Variants in KLRC2 observed in about 807,000 individuals in gnomAD.
KLRC2 encodes NKG2-C type II integral membrane protein.
Under a neutral mutation model 25.5 loss-of-function variants are expected in KLRC2, and 10 were observed. The observed-to-expected ratio is 0.39, with a 90% CI of 0.24 to 0.67. KLRC2 has a LOEUF of 0.67. KLRC2 is among the 30% of genes least tolerant of loss of function. The pLI, the probability that KLRC2 is intolerant of heterozygous loss-of-function variation, is 0.45. For synonymous variants in KLRC2, 48 were observed against 93.3 expected, an observed-to-expected ratio of 0.51 and a Z score of 2.80; for missense variants, 170 against 272.8, an observed-to-expected ratio of 0.62 and a Z score of 2.65.
rs755372530 is a variant in KLRC2, at chr12:10,431,055, A to G, written c.*62T>C. On this transcript the variant is annotated 3_prime_UTR_variant, in exon 6 of 6. Coordinates refer to ENST00000381902, the MANE Select transcript of KLRC2 (RefSeq NM_002260.4). ...TCATTTTCAGATTTATGCAATCATA[A>G]TATTTCTATTTTAAGAAATATAAAA... 11 of 1,244,414 alleles carry G rather than the reference A, an allele frequency of 8.8e-6. 2 individuals are homozygous for G. Among genetic ancestry groups the G allele is most frequent in the Non-Finnish European group, 1.0e-5 (9 of 898,148 alleles). The allele number at this position is 1,244,414 out of a possible 1,614,324, so 77.1% of individuals were successfully genotyped here.
chr12:10,435,951 A>G lies in KLRC2; in HGVS notation c.36T>C (p.Ser12=), dbSNP rs745463563. Residue 12 remains serine, a synonymous_variant, in exon 1 of 6, where the codon AGT becomes AGC. Coordinates refer to ENST00000381902, the MANE Select transcript of KLRC2 (RefSeq NM_002260.4). ...NKQRGTFSEV[S]LAQDPKRQQR... is the part of the protein sequence containing the mutation. ...GCTGCCGCTTTGGGTCCTGGGCCAG[A>G]CTCACTTCTGAGAAGGTTCCTCTTT... The G allele has an allele frequency of 6.2e-7, 1 of 1,606,416 alleles. No homozygotes were observed. The highest frequency in any genetic ancestry group is 8.5e-7 in the Non-Finnish European group (1 of 1,176,636).
intron 5 of KLRC2, among the ~76,000 whole-genome samples, chr12:10,431,736 G>A (rs1283335093): frequency 7.2e-6 from 1 of 138,692 alleles, no homozygotes; most frequent in Admixed American, 7.1e-5. Context: ...CTTTGAATGC[G>A]GCCCAACACA....
intron 3 of KLRC2, 145 bp from the exon 4 acceptor site, chr12:10,434,087 GAGTC>G: frequency 2.4e-6 from 3 of 1,258,214 alleles, no homozygotes; most frequent in Non-Finnish European, 3.2e-6. Flanking sequence ...TTTAATAACT[GAGTC>G]AGTCATACAC....
Position 10,434,306 on chromosome 12 carries a change from A to T in KLRC2, c.331+180T>A. On this transcript the variant is annotated intron_variant, in intron 3 of 5. Coordinates refer to ENST00000381902, the MANE Select transcript of KLRC2 (RefSeq NM_002260.4). ...GGAGAAAGAGGGTAGAATGATTTTAAGTGAGTATTTCTACTCACTGGAGAA... is the reference window on the plus strand; with the variant it reads ...GGAGAAAGAGGGTAGAATGATTTTATGTGAGTATTTCTACTCACTGGAGAA... The T allele has an allele frequency of 5.0e-6, 3 of 597,766 alleles. 1 individual carries two copies. The highest frequency in any genetic ancestry group is 9.4e-6 in the Non-Finnish European group (3 of 319,840). The allele number at this position is 597,766 out of a possible 1,614,324, so 37.0% of individuals were successfully genotyped here.
Position 10,433,880 on chromosome 12 carries a change from C to CAA in KLRC2, c.392_393dup (p.Gly132LeufsTer25), listed in dbSNP as rs1565507326. 1 of 1,550,530 alleles carries CAA rather than the reference C, an allele frequency of 6.4e-7. No homozygotes were observed. On this transcript the variant is annotated frameshift_variant, in exon 4 of 6. Coordinates refer to ENST00000381902, the MANE Select transcript of KLRC2 (RefSeq NM_002260.4). LOFTEE classifies it high-confidence loss of function. ...TCTTCCCAAGTTCTTCTTTCCTTAC[C>CAA]AATGTAATAACAACTGTTGGAATAT...
rs1382804000 is a variant in KLRC2, at chr12:10,435,669, T to C, written c.187+131A>G. 22 of 1,120,872 alleles carry C rather than the reference T, an allele frequency of 2.0e-5. 3 individuals carry two copies. Among genetic ancestry groups the C allele is most frequent in the Non-Finnish European group, 2.4e-5 (19 of 803,220 alleles). 69.4% of individuals were successfully genotyped at this position (1,120,872 alleles called of 1,614,324 possible). ...ATAAAATTAGTCTTCTGATTTCATA[T>C]TAGAATTTTAGATCCCAATTATGAA... On this transcript the variant is annotated intron_variant, in intron 1 of 5. Transcript: ENST00000381902.
intron 4 of KLRC2, among the ~76,000 whole-genome samples, chr12:10,433,504 A>G (rs1403955270): frequency 1.4e-5 from 2 of 142,124 alleles, no homozygotes; most frequent in Non-Finnish European, 3.1e-5. Flanking sequence ...TTTGTGATCA[A>G]TCTGCATGAC....
Position 10,431,024 on chromosome 12 carries a change from C to A in KLRC2, c.*93G>T. 8.6e-7 allele frequency: 1 copy of A among 1,161,884 alleles called. No individual in the cohort carries two copies. The highest frequency in any genetic ancestry group is 1.6e-5 in the South Asian group (1 of 63,554). 72.0% of individuals were successfully genotyped at this position (1,161,884 alleles called of 1,614,324 possible). A position where few individuals can be genotyped will look rare whatever the true frequency, so the allele number is the denominator to read the frequency against. On this transcript the variant is annotated 3_prime_UTR_variant, in exon 6 of 6. Coordinates refer to ENST00000381902, the MANE Select transcript of KLRC2 (RefSeq NM_002260.4). ...AGAATTTTTGTATCAGAGCAAATAA[C>A]ATAATTCATTTTCAGATTTATGCAA...
chr12:10,434,025 A>G (rs1366209905), intron 3 of KLRC2, 83 bp from the exon 4 acceptor site: 1 of 1,477,540 alleles, frequency 6.8e-7, no homozygotes, highest in South Asian at 1.3e-5. Flanking sequence ...CAGTATAAAC[A>G]TATATGTGCT....
intron 5 of KLRC2, among the ~76,000 whole-genome samples, 191 bp downstream of exon 5, chr12:10,431,915 T>G (rs1224695527): frequency 7.1e-6 from 1 of 141,026 alleles, no homozygotes; most frequent in Non-Finnish European, 1.5e-5. Context: ...ACCAAGAAGG[T>G]TACTAGCAGA....
In KLRC2 at chr12:10,435,945, G is replaced by T. The variant is rs1485049938; in HGVS notation, c.42C>A (p.Ala14=). 6.2e-7 allele frequency: 1 copy of T among 1,606,214 alleles called. No individual in the cohort carries two copies. Among genetic ancestry groups the T allele is most frequent in the Non-Finnish European group, 8.5e-7 (1 of 1,176,496 alleles). ...TCCTTTGCTGCCGCTTTGGGTCCTG[G>T]GCCAGACTCACTTCTGAGAAGGTTC... ...QRGTFSEVSL[A]QDPKRQQRKP... Residue 14 remains alanine, a synonymous_variant, in exon 1 of 6, where the codon GCC becomes GCA. Coordinates refer to ENST00000381902, the MANE Select transcript of KLRC2 (RefSeq NM_002260.4).
chr12:10,435,114 T>C, intron 2 of KLRC2, 198 bp downstream of exon 2: 1 of 1,025,640 alleles, frequency 9.8e-7, no homozygotes, highest in Non-Finnish European at 1.4e-6. Flanking sequence ...AGTTTCTTAC[T>C]TTGAAACTTT....
intron 1 of KLRC2, 114 bp from the exon 2 acceptor site, chr12:10,435,524 A>G: frequency 6.6e-7 from 1 of 1,517,776 alleles, no homozygotes; most frequent in Non-Finnish European, 9.0e-7. Context: ...CATAATGATA[A>G]ACTCTGGCCT....
In KLRC2 at chr12:10,431,196, C is replaced by G. The variant is rs1298944577; in HGVS notation, c.617G>C (p.Cys206Ser). The change falls in exon 6 of 6, where the codon TGT (cysteine) becomes TCT (serine). Residue 206 changes from cysteine to serine, a missense_variant. By Grantham distance (112) the Cys-to-Ser change is moderately radical. Transcript: ENST00000381902. ...IKDSDNAELN[C>S]AVLQVNRLKS... ...AAGTCGATTTACTTGTAGCACTGCA[C>G]AGTTAAGTTCAGCATTATCTGAGTC... is the stretch of plus-strand genomic sequence containing the variant. 8.4e-6 allele frequency: 13 copies of G among 1,548,304 alleles called. 2 individuals carry two copies. Among genetic ancestry groups the G allele is most frequent in the Non-Finnish European group, 1.1e-5 (13 of 1,134,174 alleles).
At chr12:10,433,382 T>A (rs548724854) in intron 4 of KLRC2, among the ~76,000 whole-genome samples, 2 of 141,944 alleles carry the variant, frequency 1.4e-5, no homozygotes, top group South Asian at 2.2e-4. Flanking sequence ...AAGTCAAGAC[T>A]GCGTTTTGGA....
At position 10,432,855 on chromosome 12, in the gene KLRC2, A is replaced by T. The variant is rs1200195663; in HGVS notation, c.484-649T>A. Among the ~76,000 whole-genome samples the T allele has an allele frequency of 3.5e-4, 48 of 136,690 alleles. 10 individuals are homozygous for T. Among genetic ancestry groups the T allele is most frequent in the Admixed American group, 1.1e-3 (15 of 13,984 alleles). The allele number at this position is 136,690 out of a possible 152,430, so 89.7% of individuals were successfully genotyped here. On this transcript the variant is annotated intron_variant, in intron 4 of 5. Coordinates refer to ENST00000381902, the MANE Select transcript of KLRC2 (RefSeq NM_002260.4). ...GGATCAACCAAGTGTCCGAGTGAGCATGTTAAGTCCTCCACACGACAGAAG... is the reference window on the plus strand; with the variant it reads ...GGATCAACCAAGTGTCCGAGTGAGCTTGTTAAGTCCTCCACACGACAGAAG...
At chr12:10,433,505 T>A (rs1413435195) in intron 4 of KLRC2, among the ~76,000 whole-genome samples, 1 of 142,032 alleles carries the variant, frequency 7.0e-6, no homozygotes, top group Non-Finnish European at 1.5e-5. Context: ...TTGTGATCAA[T>A]CTGCATGACC....
At position 10,433,866 on chromosome 12, in the gene KLRC2, T is replaced by C. The variant is rs1401237810; in HGVS notation, c.408A>G (p.Arg136=). 3.2e-6 allele frequency: 5 copies of C among 1,550,602 alleles called. 1 individual carries two copies. In the Admixed American group the frequency reaches 8.5e-5, roughly 26 times the overall value. ...NSCYYIGKER[R]TWEESLLACT... ...AGGCCAGCAAACTCTCTTCCCAAGT[T>C]CTTCTTTCCTTACCAATGTAATAAC... The change falls in exon 4 of 6, where the codon AGA becomes AGG. Residue 136 remains arginine (R), a synonymous_variant. Coordinates refer to ENST00000381902, the MANE Select transcript of KLRC2 (RefSeq NM_002260.4).
chr12:10,430,967 A>G lies in KLRC2; in HGVS notation c.*150T>C. On this transcript the variant is annotated 3_prime_UTR_variant, in exon 6 of 6. Transcript: ENST00000381902. ...AATGCTAGGATGTCTGTACTTTAGT[A>G]ATTGTGTGCATCCTATTTCAATAAT... is the stretch of plus-strand genomic sequence containing the variant. The G allele has an allele frequency of 8.4e-7, 1 of 1,195,398 alleles. No homozygotes were observed. Among genetic ancestry groups the G allele is most frequent in the Non-Finnish European group, 1.1e-6 (1 of 905,734 alleles). 74.0% of individuals were successfully genotyped at this position (1,195,398 alleles called of 1,614,324 possible).
Sources: gnomAD v4.1 joint callset for allele counts (sites outside exome capture counted in the v4.1 genomes callset) on GRCh38, gnomAD v4.1.1 for gene constraint, MANE v1.5 for transcripts, NCBI Gene and HGNC (gene_info 2026-07-23, HGNC 2026-07-21) for gene names.